Variants in SOX5 observed in about 807,000 individuals in gnomAD.
The protein encoded by SOX5 is SRY-box transcription factor 5.
Under a neutral mutation model 92.0 loss-of-function variants are expected in SOX5, and 9 were observed. The ratio of observed to expected loss-of-function variants is 0.10; its 90% confidence interval spans 0.06 to 0.17. The LOEUF (loss-of-function observed/expected upper bound fraction) is 0.17. Ranked by LOEUF, SOX5 falls within the 10% of genes least tolerant of loss-of-function variation. The pLI is 1.00. For missense variants in SOX5, 642 were observed against 944.5 expected (o/e 0.68, Z 4.20); for synonymous variants, 344 against 336.3 (o/e 1.02, Z -0.25).
intron 3 of SOX5, among the ~76,000 whole-genome samples, chr12:24,273,263 A>G (rs562613551): frequency 6.6e-6 from 1 of 152,314 alleles, no homozygotes; most frequent in South Asian, 2.1e-4. Context: ...GGTCTCAAAA[A>G]AAAGATTAGA....
intron 3 of SOX5, among the ~76,000 whole-genome samples, chr12:23,792,716 T>C (rs1363365271): frequency 6.8e-6 from 1 of 146,742 alleles, no homozygotes; most frequent in Non-Finnish European, 1.5e-5. Flanking sequence ...AAAGAATTCC[T>C]TGGAAAACAA....
intron 1 of SOX5, among the ~76,000 whole-genome samples, chr12:24,511,268 T>C (rs1420466956): frequency 3.9e-5 from 6 of 152,222 alleles, no homozygotes; most frequent in Admixed American, 2.0e-4. Flanking sequence ...GTTAAATGCA[T>C]ATGGTTTTTA....
At chr12:23,964,620 CTTT>C (rs752588711) in intron 4 of SOX5, among the ~76,000 whole-genome samples, 4 of 152,132 alleles carry the variant, frequency 2.6e-5, no homozygotes, top group Non-Finnish European at 5.9e-5. Context: ...ATGGATGCTT[CTTT>C]GTTTGCCTCG....
intron 6 of SOX5, among the ~76,000 whole-genome samples, chr12:23,689,986 A>G (rs962978768): frequency 6.6e-6 from 1 of 152,220 alleles, no homozygotes; most frequent in South Asian, 2.1e-4. Context: ...TACATTCAAC[A>G]TGAATAAAAC....
chr12:23,761,797 A>G (rs566326426), intron 3 of SOX5, among the ~76,000 whole-genome samples: 10 of 152,238 alleles, frequency 6.6e-5, no homozygotes, highest in African/African-American at 2.2e-4. Flanking sequence ...AGAACTAAGT[A>G]TTATTAACTC....
intron 6 of SOX5, among the ~76,000 whole-genome samples, chr12:23,671,895 T>A (rs2084843977): frequency 6.6e-6 from 1 of 152,108 alleles, no homozygotes; most frequent in South Asian, 2.1e-4. Flanking sequence ...TGAACAGCCA[T>A]GTGGATTTTT....
chr12:24,370,896 C>T (rs1486140572), intron 1 of SOX5, among the ~76,000 whole-genome samples: 3 of 152,174 alleles, frequency 2.0e-5, no homozygotes, highest in Admixed American at 1.3e-4. Flanking sequence ...CAAGAAAATG[C>T]CTTGTTAATT....
intron 6 of SOX5, among the ~76,000 whole-genome samples, chr12:23,720,885 A>T (rs2092777797): frequency 6.6e-6 from 1 of 152,148 alleles, no homozygotes; most frequent in Non-Finnish European, 1.5e-5. Context: ...GTTCATCCGT[A>T]CCTACGATCT....
intron 2 of SOX5, among the ~76,000 whole-genome samples, chr12:24,283,873 T>C (rs1011266034): frequency 2.6e-5 from 4 of 152,228 alleles, no homozygotes; most frequent in Non-Finnish European, 1.5e-5. Flanking sequence ...GCTCACTCTC[T>C]ATGCAAGGTA....
intron 1 of SOX5, chr12:23,944,453 A>G (rs1944210794): frequency 6.6e-6 from 1 of 152,202 alleles, no homozygotes; most frequent in Non-Finnish European, 1.5e-5. Context: ...TAAAGAAAAG[A>G]ATAGACAACA....
chr12:24,201,459 T>G (rs1449452829), intron 4 of SOX5, among the ~76,000 whole-genome samples: 2 of 152,214 alleles, frequency 1.3e-5, no homozygotes. Flanking sequence ...TGGTCTACAG[T>G]GCAAGTCCAT....
chr12:23,665,827 C>T (rs529804979), intron 6 of SOX5, among the ~76,000 whole-genome samples: 10 of 152,124 alleles, frequency 6.6e-5, no homozygotes, highest in South Asian at 2.1e-4. Context: ...TTGGCAGTGA[C>T]GAAAATATCA....
chr12:24,114,988 T>C (rs1947830568), intron 4 of SOX5, among the ~76,000 whole-genome samples: 2 of 152,144 alleles, frequency 1.3e-5, no homozygotes. Flanking sequence ...CAAAAAAGTA[T>C]ACTTAAAAAT....
chr12:23,711,120 C>G, intron 6 of SOX5, among the ~76,000 whole-genome samples: 1 of 152,206 alleles, frequency 6.6e-6, no homozygotes, highest in Middle Eastern at 3.4e-3. Flanking sequence ...AAAAGAGGTA[C>G]CTTATTTTCA....
chr12:23,728,113 C>T (rs1230707951), intron 6 of SOX5, among the ~76,000 whole-genome samples: 1 of 152,142 alleles, frequency 6.6e-6, no homozygotes, highest in Admixed American at 6.6e-5. Context: ...CCCTTCAGGG[C>T]AGGCCACTTG....
intron 1 of SOX5, among the ~76,000 whole-genome samples, chr12:24,401,268 C>T (rs1961496922): frequency 6.6e-6 from 1 of 151,034 alleles, no homozygotes. Context: ...AGGAGAATTG[C>T]TTCAACCTGG....
intron 3 of SOX5, among the ~76,000 whole-genome samples, chr12:24,259,800 C>G (rs148401899): frequency 1.3e-5 from 2 of 152,084 alleles, no homozygotes; most frequent in African/African-American, 2.4e-5. Flanking sequence ...GTCGGTGGGA[C>G]GTTGAAACAG....
chr12:23,736,015 G>A (rs548019655), intron 5 of SOX5, among the ~76,000 whole-genome samples: 2 of 152,286 alleles, frequency 1.3e-5, no homozygotes, highest in Admixed American at 6.5e-5. Context: ...TCTAATAAGA[G>A]TGCATGAATA....
intron 4 of SOX5, among the ~76,000 whole-genome samples, chr12:24,037,419 T>G (rs939126542): frequency 6.6e-6 from 1 of 152,152 alleles, no homozygotes; most frequent in African/African-American, 2.4e-5. Flanking sequence ...TCAATCATTA[T>G]GTGAACCAAG....
Sources: allele counts gnomAD v4.1 joint callset (sites outside exome capture counted in the v4.1 genomes callset), GRCh38; gene constraint gnomAD v4.1.1; transcripts MANE v1.5; gene names NCBI Gene and HGNC (gene_info 2026-07-23, HGNC 2026-07-21).